LRCH3: variants seen among roughly 807,000 people sequenced by gnomAD.
LRCH3 encodes DISP complex protein LRCH3.
LRCH3 carries 68 observed loss-of-function variants against 104.5 expected under a neutral mutation model. The observed-to-expected ratio is 0.65, with a 90% CI of 0.54 to 0.80. The LOEUF is 0.80. Among genes scored for constraint, LRCH3 ranks in the 30% least tolerant of loss-of-function variants. The probability of loss-of-function intolerance (pLI) is 0.00; values close to 1 mark genes in which losing one functional copy is unlikely to be tolerated. For synonymous variants in LRCH3, 344 were observed against 361.3 expected (o/e 0.95, Z 0.54); for missense variants, 951 against 953.9 (o/e 1.00, Z 0.04).
Position 197,883,241 on chromosome 3 carries a change from T to C in LRCH3, c.2209-300T>C, listed in dbSNP as rs1713940145. On this transcript the variant is annotated intron_variant, in intron 20 of 20. Coordinates refer to ENST00000425562, the MANE Select transcript of LRCH3 (RefSeq NM_001365715.1). The surrounding 1 kb of genome is among the most constrained non-coding windows in gnomAD (Gnocchi z 4.2). ...TTTTATTCATCAGGGATAAAGGATG[T>C]TGCTTTCACCCTGCGGTATTGTTTT... is the stretch of plus-strand genomic sequence containing the variant. The C allele has an allele frequency of 3.7e-6, 4 of 1,076,852 alleles. No homozygotes were observed. Among genetic ancestry groups the C allele is most frequent in the Non-Finnish European group, 3.4e-6 (3 of 887,764 alleles). The allele number at this position is 1,076,852 out of a possible 1,614,324, so 66.7% of individuals were successfully genotyped here.
intron 9 of LRCH3, among the ~76,000 whole-genome samples, chr3:197,837,049 T>G (rs1222653360): frequency 1.3e-5 from 2 of 152,112 alleles, no homozygotes; most frequent in African/African-American, 4.8e-5. Flanking sequence ...ACACCGTATT[T>G]TTTGTTGGTA....
chr3:197,791,266 T>A lies in LRCH3; in HGVS notation c.-13T>A, dbSNP rs904599451. On this transcript the variant is annotated 5_prime_UTR_variant, in exon 1 of 21. Transcript: ENST00000425562. ...GCGCTGAGCTGGCGGGCCCGAGTGTTGTCGGCTGGGAAATGGCGGCCGCGG... is the reference window on the plus strand; with the variant it reads ...GCGCTGAGCTGGCGGGCCCGAGTGTAGTCGGCTGGGAAATGGCGGCCGCGG... The A allele has an allele frequency of 6.2e-7, 1 of 1,608,366 alleles. No homozygotes were observed. Among genetic ancestry groups the A allele is most frequent in the African/African-American group, 1.3e-5 (1 of 74,602 alleles).
chr3:197,845,662 T>C (rs1315305084), intron 10 of LRCH3, among the ~76,000 whole-genome samples: 1 of 151,762 alleles, frequency 6.6e-6, no homozygotes, highest in Admixed American at 6.6e-5. Context: ...CCCAGCACTT[T>C]GGGAGGCTGA....
intron 4 of LRCH3, among the ~76,000 whole-genome samples, chr3:197,826,610 T>A (rs146742514): frequency 6.0e-4 from 91 of 152,310 alleles, no homozygotes; most frequent in African/African-American, 2.1e-3. Context: ...CTTCTTGTGG[T>A]ATCAGGGCCT....
chr3:197,883,940 GA>G lies in LRCH3; in HGVS notation c.*275del, dbSNP rs1414961483. 2.8e-6 allele frequency: 1 copy of G among 350,972 alleles called. No individual in the cohort carries two copies. The allele number at this position is 350,972 out of a possible 1,614,324, so 21.7% of individuals were successfully genotyped here. On this transcript the variant is annotated 3_prime_UTR_variant, in exon 21 of 21. Coordinates refer to ENST00000425562, the MANE Select transcript of LRCH3 (RefSeq NM_001365715.1). The surrounding 1 kb of genome is among the most constrained non-coding windows in gnomAD (Gnocchi z 4.2). ...CCTAACTTGGCTGTGTTTTCCTGGAGAGCAGGCGTGTTTCACGTGCCAGAAA... is the reference window on the plus strand; with the variant it reads ...CCTAACTTGGCTGTGTTTTCCTGGAGGCAGGCGTGTTTCACGTGCCAGAAA...
At position 197,799,663 on chromosome 3, in the gene LRCH3, T is replaced by C. The variant is rs140599098; in HGVS notation, c.262+8123T>C. Reference sequence around the variant, plus strand: ...GGGTGGATCACCTGAGATCAGGAGTTTGAGACCAACCTGACCAACATGGCG... The same window carrying C: ...GGGTGGATCACCTGAGATCAGGAGTCTGAGACCAACCTGACCAACATGGCG... On this transcript the variant is annotated intron_variant, in intron 1 of 20. Transcript: ENST00000425562. Among the ~76,000 whole-genome samples, 493 of 150,508 alleles carry C rather than the reference T, an allele frequency of 3.3e-3. 1 individual carries two copies. The highest frequency in any genetic ancestry group is 4.0e-3 in the Admixed American group (61 of 15,088).
At chr3:197,882,577 T>A in intron 20 of LRCH3, 2 of 960,388 alleles carry the variant, frequency 2.1e-6, no homozygotes, top group Non-Finnish European at 2.5e-6. Context: ...ATATATAATC[T>A]TTTTTTAGTG....
chr3:197,862,937 G>A (rs892467367), intron 15 of LRCH3, among the ~76,000 whole-genome samples: 1 of 152,186 alleles, frequency 6.6e-6, no homozygotes, highest in African/African-American at 2.4e-5. Context: ...CCAGAAAATT[G>A]TCTCCAAGTG....
At chr3:197,812,502 C>G (rs539286304) in intron 1 of LRCH3, among the ~76,000 whole-genome samples, 1 of 11,318 alleles carries the variant, frequency 8.8e-5, no homozygotes, top group Non-Finnish European at 2.1e-4. Flanking sequence ...TCTCTGCTTT[C>G]AGTTTTTTTT....
intron 9 of LRCH3, among the ~76,000 whole-genome samples, chr3:197,837,488 C>T (rs961111666): frequency 2.0e-5 from 3 of 152,072 alleles, no homozygotes; most frequent in Non-Finnish European, 4.4e-5. Flanking sequence ...GATGAGGCAG[C>T]ATTATTTTAG....
At chr3:197,812,585 C>T (rs569006262) in intron 1 of LRCH3, among the ~76,000 whole-genome samples, 31 of 140,888 alleles carry the variant, frequency 2.2e-4, no homozygotes, top group African/African-American at 7.8e-4. Flanking sequence ...CATCTCGGCT[C>T]ACTGCAACCA....
chr3:197,866,035 G>C (rs1741443150), intron 16 of LRCH3, 77 bp from the exon 17 acceptor site: 4 of 1,028,624 alleles, frequency 3.9e-6, no homozygotes, highest in Non-Finnish European at 6.0e-6. Context: ...TTTTTTACTT[G>C]TTACTTTTGT....
At chr3:197,843,701 C>T (rs926227638) in intron 10 of LRCH3, among the ~76,000 whole-genome samples, 1 of 152,016 alleles carries the variant, frequency 6.6e-6, no homozygotes, top group Admixed American at 6.6e-5. Flanking sequence ...AAAAAGTCTG[C>T]CTTATAGAGA....
intron 13 of LRCH3, among the ~76,000 whole-genome samples, chr3:197,853,163 C>A (rs58610305): frequency 7.0e-4 from 106 of 152,164 alleles, no homozygotes; most frequent in African/African-American, 2.5e-3. Context: ...ACCATTTTCC[C>A]TTTAAAAACC....
At chr3:197,843,399 C>T (rs1317133886) in intron 10 of LRCH3, among the ~76,000 whole-genome samples, 1 of 151,996 alleles carries the variant, frequency 6.6e-6, no homozygotes, top group Non-Finnish European at 1.5e-5. Context: ...AATCCCAGCA[C>T]TATACTGGCC....
intron 20 of LRCH3, chr3:197,876,300 G>A (rs1712882025): frequency 6.6e-6 from 1 of 152,232 alleles, no homozygotes; most frequent in African/African-American, 2.4e-5. Flanking sequence ...CTGAATTACA[G>A]GCTTTATTTG....
intron 10 of LRCH3, among the ~76,000 whole-genome samples, chr3:197,844,743 G>A (rs1738361310): frequency 6.6e-6 from 1 of 151,960 alleles, no homozygotes; most frequent in South Asian, 2.1e-4. Flanking sequence ...TCAGCCTTCT[G>A]AGTAGCTGGG....
chr3:197,812,527 T>TTTTTTTTTTTTTTTTTTTTTTA (rs1733283539), intron 1 of LRCH3, among the ~76,000 whole-genome samples: 1 of 143,348 alleles, frequency 7.0e-6, no homozygotes, highest in Admixed American at 7.2e-5. Context: ...TTTTTTTTTT[T>TTTTTTTTTTTTTTTTTTTTTTA]TTTAGGTGGA....
At chr3:197,848,275 T>C (rs1580793599) in intron 12 of LRCH3, 2 of 401,540 alleles carry the variant, frequency 5.0e-6, no homozygotes, top group Non-Finnish European at 9.1e-6. Context: ...CAATTTCTAG[T>C]GTCATAGTAA....
Sources: gnomAD v4.1 joint callset for allele counts (sites outside exome capture counted in the v4.1 genomes callset) on GRCh38, gnomAD v4.1.1 for gene constraint, Gnocchi (gnomAD v3.1) non-coding constraint, MANE v1.5 for transcripts, NCBI Gene and HGNC (gene_info 2026-07-23, HGNC 2026-07-21) for gene names.